Variants in NOTCH1 observed in about 807,000 individuals in gnomAD.
NOTCH1 encodes neurogenic locus notch homolog protein 1.
In NOTCH1, 37 loss-of-function variants were observed where a neutral mutation model predicts 254.8. That is an observed-to-expected ratio of 0.15 (90% confidence interval 0.11 to 0.19). NOTCH1 has a LOEUF of 0.19. NOTCH1 is among the 10% of genes least tolerant of loss of function. The pLI, the probability that NOTCH1 is intolerant of heterozygous loss-of-function variation, is 1.00. For missense variants in NOTCH1, 2,972 were observed against 3,708.6 expected (o/e 0.80, Z 5.16); for synonymous variants, 1,731 against 1,618.1 (o/e 1.07, Z -1.68).
Position 136,513,231 on chromosome 9 carries a change from C to A in NOTCH1, c.2354-97G>T, listed in dbSNP as rs1396605803. The A allele has an allele frequency of 6.9e-7, 1 of 1,448,744 alleles. No homozygotes were observed. Among genetic ancestry groups the A allele is most frequent in the African/African-American group, 1.4e-5 (1 of 71,556 alleles). 89.7% of individuals were successfully genotyped at this position (1,448,744 alleles called of 1,614,324 possible). ...CCCTGGGCCTGCTCCCCACCCCAGG[C>A]CCCTCCTCATCTCCAAGAGCCAGAG... On this transcript the variant is annotated intron_variant, in intron 14 of 33. Coordinates refer to ENST00000651671, the MANE Select transcript of NOTCH1 (RefSeq NM_017617.5). The surrounding 1 kb of genome is among the most constrained non-coding windows in gnomAD (Gnocchi z 4.7).
chr9:136,510,198 A>G (rs1159423833), intron 17 of NOTCH1, among the ~76,000 whole-genome samples: 3 of 152,216 alleles, frequency 2.0e-5, no homozygotes, highest in Non-Finnish European at 2.9e-5. Flanking sequence ...GCTCCAGGGC[A>G]GGGGGCAGCT....
In NOTCH1 at chr9:136,503,194, C is replaced by T. The variant is rs750085425; in HGVS notation, c.5155G>A (p.Glu1719Lys). The T allele has an allele frequency of 9.3e-6, 15 of 1,612,852 alleles. No individual in the cohort carries two copies. The highest frequency in any genetic ancestry group is 1.2e-5 in the Non-Finnish European group (14 of 1,180,022). ...GGGCCACACTTACTCTGCACGGCCTCGATCTTGTAGGGGATGTTGAGGCTG... is the reference window on the plus strand; with the variant it reads ...GGGCCACACTTACTCTGCACGGCCTTGATCTTGTAGGGGATGTTGAGGCTG... ...LGSLNIPYKIEAVQSETVEPP... is the reference protein window; with the variant it reads ...LGSLNIPYKIKAVQSETVEPP... Residue 1719 changes from glutamate to lysine, a missense_variant, in exon 27 of 34, where the codon GAG becomes AAG. By Grantham distance (56) the Glu-to-Lys change is moderately conservative (BLOSUM62 1). Transcript: ENST00000651671.
chr9:136,501,107 G>C (rs1842987898), intron 30 of NOTCH1, among the ~76,000 whole-genome samples: 1 of 152,172 alleles, frequency 6.6e-6, no homozygotes, highest in Admixed American at 6.5e-5. Context: ...AATCCACCCA[G>C]GAAAAAGAGG....
chr9:136,518,120 C>T lies in NOTCH1; in HGVS notation c.1255+17G>A. ...CTGCCACCCCCACCTGGCCGCACCC[C>T]CTGTGCTGGCACCTACCCAGCGAGC... On this transcript the variant is annotated intron_variant, in intron 7 of 33. Transcript: ENST00000651671. 6.3e-7 allele frequency: 1 copy of T among 1,576,730 alleles called. No homozygotes were observed. Among genetic ancestry groups the T allele is most frequent in the Non-Finnish European group, 8.6e-7 (1 of 1,163,552 alleles).
At chr9:136,502,748 A>G in intron 27 of NOTCH1, 1 of 572,730 alleles carries the variant, frequency 1.7e-6, no homozygotes, top group Non-Finnish European at 3.1e-6. Flanking sequence ...AGGATTAGTC[A>G]ACTTCAAATC....
At chr9:136,519,997 A>G (rs761398092) in intron 4 of NOTCH1, among the ~76,000 whole-genome samples, 6 of 152,088 alleles carry the variant, frequency 3.9e-5, no homozygotes, top group Non-Finnish European at 5.9e-5. Context: ...TGGCTGGGGC[A>G]GGGTGGGCCC....
chr9:136,526,379 G>A (rs1015349521), intron 2 of NOTCH1, among the ~76,000 whole-genome samples: 1 of 152,222 alleles, frequency 6.6e-6, no homozygotes, highest in Non-Finnish European at 1.5e-5. Flanking sequence ...GCAGGGGGTG[G>A]GTACAGGACA....
Position 136,496,369 on chromosome 9 carries a change from A to G in NOTCH1, c.7370T>C (p.Leu2457Pro), listed in dbSNP as rs2133315208. ...GGGCAGGGCGGGGCTCTCCTGGGGC[A>G]GAATAGTGTGCACCGCCAGGCTGCT... ...GPSSLAVHTI[L>P]PQESPALPTS... Residue 2457 changes from leucine to proline, a missense_variant, in exon 34 of 34, where the codon CTG becomes CCG. Coordinates refer to ENST00000651671, the MANE Select transcript of NOTCH1 (RefSeq NM_017617.5). The G allele has an allele frequency of 6.3e-7, 1 of 1,595,094 alleles. No homozygotes were observed. The highest frequency in any genetic ancestry group is 2.2e-5 in the East Asian group (1 of 44,574).
rs2133343199 is a variant in NOTCH1, at chr9:136,506,732, G to A, written c.3885C>T (p.Cys1295=). 1 of 1,600,042 alleles carries A rather than the reference G, an allele frequency of 6.2e-7. No homozygotes were observed. Among genetic ancestry groups the A allele is most frequent in the Non-Finnish European group, 8.5e-7 (1 of 1,174,120 alleles). ...VQRVNDFHCE[C]RAGHTGRRCE... Reference sequence around the variant, plus strand: ...GGCACCCACCGGTGTGACCAGCACGGCACTCGCAGTGGAAGTCATTGACGC... The same window carrying A: ...GGCACCCACCGGTGTGACCAGCACGACACTCGCAGTGGAAGTCATTGACGC... The change falls in exon 23 of 34, where the codon TGC becomes TGT. Residue 1295 remains cysteine (C), a synonymous_variant. Transcript: ENST00000651671. This position sits in a 1 kb window ranked among gnomAD's most constrained non-coding sequence, Gnocchi z 4.5.
chr9:136,533,782 C>T (rs183650434), intron 2 of NOTCH1, among the ~76,000 whole-genome samples: 3 of 152,272 alleles, frequency 2.0e-5, no homozygotes, highest in Non-Finnish European at 2.9e-5. Flanking sequence ...AAAGCTCCAG[C>T]CTCCTACTAG....
At chr9:136,530,895 G>A (rs1167763439) in intron 2 of NOTCH1, among the ~76,000 whole-genome samples, 4 of 152,322 alleles carry the variant, frequency 2.6e-5, no homozygotes, top group Admixed American at 2.0e-4. Context: ...CACACTCCAT[G>A]AATGAAGTCG....
At position 136,497,393 on chromosome 9, in the gene NOTCH1, A is replaced by T; in HGVS notation, c.6346T>A (p.Tyr2116Asn). Reference protein sequence around the residue: ...HHDIVRLLDEYNLVRSPQLHG... With the variant: ...HHDIVRLLDENNLVRSPQLHG... Reference sequence around the variant, plus strand: ...AGCTGCGGGCTGCGCACCAGGTTGTACTCGTCCAGCAGCCTCACGATGTCG... The same window carrying T: ...AGCTGCGGGCTGCGCACCAGGTTGTTCTCGTCCAGCAGCCTCACGATGTCG... Residue 2116 changes from tyrosine (Y) to asparagine (N), a missense_variant, in exon 34 of 34, where the codon TAC becomes AAC. Around this residue, in one of 8 missense-constraint regions of NOTCH1, gnomAD observed 529 missense variants for 529.2 expected, o/e 1.00. Coordinates refer to ENST00000651671, the MANE Select transcript of NOTCH1 (RefSeq NM_017617.5). 1 of 1,610,266 alleles carries T rather than the reference A, an allele frequency of 6.2e-7. No homozygotes were observed. Among genetic ancestry groups the T allele is most frequent in the South Asian group, 1.1e-5 (1 of 91,076 alleles).
intron 2 of NOTCH1, 99 bp from the exon 3 acceptor site, chr9:136,524,078 C>A: frequency 2.7e-6 from 4 of 1,467,022 alleles, no homozygotes; most frequent in South Asian, 2.4e-5. Flanking sequence ...CCGCCTCCCC[C>A]CACACCCCGG....
rs770281345 is a variant in NOTCH1, at chr9:136,505,540, G to T, written c.4356C>A (p.Pro1452=). 6.2e-7 allele frequency: 1 copy of T among 1,612,026 alleles called. No individual in the cohort carries two copies. The highest frequency in any genetic ancestry group is 8.5e-7 in the Non-Finnish European group (1 of 1,179,710). Residue 1452 remains proline, a synonymous_variant, in exon 25 of 34, where the codon CCC becomes CCA. Transcript: ENST00000651671. ...TGTTGCCCGCGTCCTCCTGGCACTC[G>T]GGCAGCTCGCACGCCTCCTCGATCA... ...PPLIEEACEL[P]ECQEDAGNKV...
In NOTCH1 at chr9:136,516,226, C is replaced by A. The variant is rs1843270396; in HGVS notation, c.1556-132G>T. Reference sequence around the variant, plus strand: ...GCACACTCAGCCTGAGCTCAGCCAGCTCCAGCTCTCCCTGCCTCCCGCTGC... The same window carrying A: ...GCACACTCAGCCTGAGCTCAGCCAGATCCAGCTCTCCCTGCCTCCCGCTGC... On this transcript the variant is annotated intron_variant, in intron 9 of 33. Transcript: ENST00000651671. 7.3e-6 allele frequency: 5 copies of A among 687,798 alleles called. No individual in the cohort carries two copies. The Admixed American group carries it at 1.0e-4, about 14-fold the overall frequency. The allele number at this position is 687,798 out of a possible 1,614,324, so 42.6% of individuals were successfully genotyped here.
rs553233152 is a variant in NOTCH1, at chr9:136,534,724, C to T, written c.140+9300G>A. Among the ~76,000 whole-genome samples the T allele has an allele frequency of 4.0e-3, 611 of 152,114 alleles. 2 individuals are homozygous for T. The highest frequency in any genetic ancestry group is 0.014 in the African/African-American group (572 of 41,450). ...AGTGGCCACTCACAGACTGTGATTG[C>T]GAGGACCCCGATGGGGCCGCTGTGT... is the stretch of plus-strand genomic sequence containing the variant. On this transcript the variant is annotated intron_variant, in intron 2 of 33. Coordinates refer to ENST00000651671, the MANE Select transcript of NOTCH1 (RefSeq NM_017617.5).
intron 27 of NOTCH1, chr9:136,502,858 C>T (rs1021692274): frequency 5.1e-6 from 3 of 588,688 alleles, no homozygotes; most frequent in Non-Finnish European, 6.2e-6. Flanking sequence ...TTCTCTCTCT[C>T]TCTTTTTTTT....
Position 136,517,330 on chromosome 9 carries a change from G to A in NOTCH1, c.1497C>T (p.Cys499=), listed in dbSNP as rs2133367440. 1.2e-6 allele frequency: 2 copies of A among 1,609,884 alleles called. No homozygotes were observed. Among genetic ancestry groups the A allele is most frequent in the Middle Eastern group, 3.3e-4 (2 of 6,052 alleles). The part of the protein sequence containing the change: ...VNTDECASSP[C]LHNGRCLDKI... ...TGTCCAGGCAGCGGCCATTGTGCAG[G>A]CAGGGGCTGCTGGCACACTCGTCTG... The change falls in exon 9 of 34, where the codon TGC becomes TGT. Residue 499 remains cysteine (C), a synonymous_variant. Coordinates refer to ENST00000651671, the MANE Select transcript of NOTCH1 (RefSeq NM_017617.5).
intron 33 of NOTCH1, among the ~76,000 whole-genome samples, chr9:136,497,841 C>T (rs1842941947): frequency 1.3e-5 from 2 of 152,190 alleles, no homozygotes; most frequent in Non-Finnish European, 2.9e-5. Context: ...GGTCACAGAC[C>T]CCACTGAAAA....
Sources: gnomAD v4.1 joint callset for allele counts (sites outside exome capture counted in the v4.1 genomes callset) on GRCh38, gnomAD v4.1.1 for gene constraint, gnomAD v4.1.1 regional missense constraint, Gnocchi (gnomAD v3.1) non-coding constraint, MANE v1.5 for transcripts, NCBI Gene and HGNC (gene_info 2026-07-23, HGNC 2026-07-21) for gene names.